Variants in SASH1 observed in about 807,000 individuals in gnomAD.
SASH1 encodes SAM and SH3 domain containing 1.
A neutral mutation model predicts 125.2 loss-of-function variants in SASH1; 44 were observed. The observed-to-expected ratio is 0.35, with a 90% CI of 0.28 to 0.45. The LOEUF (loss-of-function observed/expected upper bound fraction) is 0.45, where lower values mean the gene tolerates loss of function less well. Among genes scored for constraint, SASH1 ranks in the 20% least tolerant of loss-of-function variants. SASH1 has a pLI of 1.00. For missense variants in SASH1, 1,426 were observed against 1,614.5 expected, an observed-to-expected ratio of 0.88 and a Z score of 2.00; for synonymous variants, 639 against 649.1, an observed-to-expected ratio of 0.98 and a Z score of 0.24.
At chr6:148,279,838 T>C (rs760878292) in intron 1 of SASH1, among the ~76,000 whole-genome samples, 1 of 151,820 alleles carries the variant, frequency 6.6e-6, no homozygotes, top group East Asian at 1.9e-4. Context: ...AAGACAAAAA[T>C]TAGCTGGGTG....
intron 9 of SASH1, among the ~76,000 whole-genome samples, chr6:148,516,516 G>A (rs1029661453): frequency 5.5e-5 from 5 of 91,464 alleles, no homozygotes; most frequent in South Asian, 3.6e-4. Context: ...CCCCTCCCCC[G>A]CCCTTGGACT....
the SASH1 span, among the ~76,000 whole-genome samples, chr6:148,235,886 G>GTC: frequency 6.6e-6 from 1 of 152,130 alleles, no homozygotes; most frequent in Non-Finnish European, 1.5e-5. Flanking sequence ...ACCTTATCGT[G>GTC]TCTCTCACTA....
chr6:148,278,550 C>A (rs1228301779), intron 1 of SASH1: 2 of 151,664 alleles, frequency 1.3e-5, no homozygotes, highest in East Asian at 1.9e-4. Flanking sequence ...TAATTTAAAT[C>A]TTGAATAAAA....
At chr6:148,199,476 G>A in the SASH1 span, among the ~76,000 whole-genome samples, 1 of 152,060 alleles carries the variant, frequency 6.6e-6, no homozygotes, top group Non-Finnish European at 1.5e-5. Context: ...CAAAAGGTTG[G>A]TAATTGGGGC....
At chr6:148,507,042 G>A (rs995899489) in intron 8 of SASH1, among the ~76,000 whole-genome samples, 1 of 152,186 alleles carries the variant, frequency 6.6e-6, no homozygotes, top group African/African-American at 2.4e-5. Flanking sequence ...GGTGGCAGGG[G>A]AAGGGGAGTT....
chr6:148,542,178 AAAGT>A (rs1301768503), intron 17 of SASH1, among the ~76,000 whole-genome samples: 3 of 152,244 alleles, frequency 2.0e-5, no homozygotes, highest in Admixed American at 6.5e-5. Context: ...CTTTGAACTC[AAAGT>A]AAGTTCAGGG....
intron 1 of SASH1, among the ~76,000 whole-genome samples, chr6:148,277,866 G>A (rs993343887): frequency 1.4e-4 from 21 of 150,356 alleles, no homozygotes; most frequent in African/African-American, 3.9e-4. Context: ...ACAGGCGCGC[G>A]CCACCAAGCC....
chr6:148,319,022 C>CTTTTTTTTTTTTTTTTT lies in SASH1; in HGVS notation n.74+46657_74+46673dup, dbSNP rs10695657. Among the ~76,000 whole-genome samples, 36 of 66,686 alleles carry CTTTTTTTTTTTTTTTTT rather than the reference C, an allele frequency of 5.4e-4. 8 individuals are homozygous for CTTTTTTTTTTTTTTTTT. The highest frequency in any genetic ancestry group is 1.2e-3 in the African/African-American group (20 of 16,562). The allele number at this position is 66,686 out of a possible 152,430, so 43.7% of individuals were successfully genotyped here. A position where few individuals can be genotyped will look rare whatever the true frequency, so the allele number is the denominator to read the frequency against. Reference sequence around the variant, plus strand: ...ATATGGAAGAAGCCGCATTTATCTTCTTTTTTTTTTTTTTTTTTTTTTTTT... The same window carrying CTTTTTTTTTTTTTTTTT: ...ATATGGAAGAAGCCGCATTTATCTTCTTTTTTTTTTTTTTTTTTTTTTTTTTTTTTTTTTTTTTTTTT... On this transcript the variant is annotated intron_variant and non_coding_transcript_variant, in intron 1 of 3. Transcript: ENST00000367469.
chr6:148,310,210 T>C (rs996664789), intron 1 of SASH1, among the ~76,000 whole-genome samples: 4 of 152,042 alleles, frequency 2.6e-5, no homozygotes, highest in Non-Finnish European at 4.4e-5. Context: ...TAGTCCCAGC[T>C]ACTTGGGAGG....
the SASH1 span, among the ~76,000 whole-genome samples, chr6:148,229,719 C>CTT: frequency 0.092 from 11,202 of 121,346 alleles, 905 homozygotes; most frequent in Middle Eastern, 0.14. Flanking sequence ...CGTCAGAGCA[C>CTT]TTTTTTTTTT....
chr6:148,483,597 GC>G (rs1228085808), intron 7 of SASH1, among the ~76,000 whole-genome samples: 3 of 152,324 alleles, frequency 2.0e-5, no homozygotes, highest in African/African-American at 4.8e-5. Context: ...GGAGTGGGGA[GC>G]CCTGGAGGGT....
intron 1 of SASH1, among the ~76,000 whole-genome samples, chr6:148,273,080 C>A (rs968576043): frequency 6.6e-6 from 1 of 151,790 alleles, no homozygotes; most frequent in African/African-American, 2.4e-5. Context: ...GGCAACATGG[C>A]GAAACACTGT....
At chr6:148,536,299 C>T (rs1246065777) in intron 16 of SASH1, among the ~76,000 whole-genome samples, 1 of 152,158 alleles carries the variant, frequency 6.6e-6, no homozygotes, top group African/African-American at 2.4e-5. Context: ...TGCTCTTCCT[C>T]AGTCACCAAG....
At chr6:148,227,489 C>A in the SASH1 span, among the ~76,000 whole-genome samples, 1 of 152,170 alleles carries the variant, frequency 6.6e-6, no homozygotes, top group Non-Finnish European at 1.5e-5. Context: ...TCCCAGGTAG[C>A]TGAGATTACA....
rs146439604 is a variant in SASH1, at chr6:148,551,435, C to A, written c.*2877C>A. ...CTTCAAAGCTGTCTGGAAGGAAATG[C>A]AGTCAGCTCCAGCTAGTACTATTTA... is the stretch of plus-strand genomic sequence containing the variant. On this transcript the variant is annotated 3_prime_UTR_variant, in exon 20 of 20. Transcript: ENST00000367467. 36 of 152,688 alleles carry A rather than the reference C, an allele frequency of 2.4e-4. No individual in the cohort carries two copies. Among genetic ancestry groups the A allele is most frequent in the African/African-American group, 8.4e-4 (35 of 41,576 alleles). 9.5% of individuals were successfully genotyped at this position (152,688 alleles called of 1,614,324 possible).
chr6:148,501,762 G>A (rs1032628968), intron 8 of SASH1, among the ~76,000 whole-genome samples: 6 of 152,140 alleles, frequency 3.9e-5, no homozygotes, highest in African/African-American at 1.4e-4. Context: ...AGGAGGAAAG[G>A]CATTCTCTGC....
chr6:148,438,503 C>T (rs1330274447), intron 2 of SASH1, among the ~76,000 whole-genome samples: 4 of 151,996 alleles, frequency 2.6e-5, no homozygotes, highest in African/African-American at 9.7e-5. Flanking sequence ...TCATGAACAG[C>T]GGCAGCAATG....
chr6:148,356,494 C>CTTTTTTTTTTTTTTT lies in SASH1; in HGVS notation c.156+13277_156+13291dup, dbSNP rs57183555. ...TCAAATGGTAGATCTACTTTTAGTT[C>CTTTTTTTTTTTTTTT]TTTTTTTTTTTTTTTTTTTTGAGAC... is the stretch of plus-strand genomic sequence containing the variant. On this transcript the variant is annotated intron_variant, in intron 1 of 19. Coordinates refer to ENST00000367467, the MANE Select transcript of SASH1 (RefSeq NM_015278.5). 7.7e-4 allele frequency among the ~76,000 whole-genome samples: 89 copies of CTTTTTTTTTTTTTTT among 116,238 alleles called. 3 individuals are homozygous for CTTTTTTTTTTTTTTT. The highest frequency in any genetic ancestry group is 1.1e-3 in the African/African-American group (32 of 29,974). 76.3% of individuals were successfully genotyped at this position (116,238 alleles called of 152,430 possible).
At chr6:148,349,909 G>T (rs1781661995) in intron 1 of SASH1, among the ~76,000 whole-genome samples, 1 of 150,600 alleles carries the variant, frequency 6.6e-6, no homozygotes, top group Non-Finnish European at 1.5e-5. Context: ...ACAGTGGTGT[G>T]ATCTCGACTC....
Sources: allele counts gnomAD v4.1 joint callset (sites outside exome capture counted in the v4.1 genomes callset), GRCh38; gene constraint gnomAD v4.1.1; transcripts MANE v1.5; gene names NCBI Gene and HGNC (gene_info 2026-07-23, HGNC 2026-07-21).